The following GABRG3 variants were observed in gnomAD, a reference collection of about 807,000 sequenced individuals.
GABRG3 encodes gamma-aminobutyric acid type A receptor subunit gamma3.
A neutral mutation model predicts 48.8 loss-of-function variants in GABRG3; 25 were observed. The ratio of observed to expected loss-of-function variants is 0.51; its 90% CI spans 0.37 to 0.72. The LOEUF (loss-of-function observed/expected upper bound fraction) is 0.72, where lower values mean the gene tolerates loss of function less well. GABRG3 is among the 30% of genes least tolerant of loss of function. The pLI, the probability that GABRG3 is intolerant of heterozygous loss-of-function variation, is 0.00. For synonymous variants in GABRG3, 227 were observed against 217.6 expected (o/e 1.04, Z -0.38); for missense variants, 394 against 577.9 (o/e 0.68, Z 3.26).
intron 5 of GABRG3, among the ~76,000 whole-genome samples, chr15:27,409,315 G>A (rs1031557510): frequency 6.6e-6 from 1 of 152,002 alleles, no homozygotes; most frequent in African/African-American, 2.4e-5. Context: ...GGCTATGAAT[G>A]TCCAATTTTT....
At chr15:27,229,452 TTTG>T (rs1217263592) in intron 3 of GABRG3, among the ~76,000 whole-genome samples, 2 of 143,200 alleles carry the variant, frequency 1.4e-5, no homozygotes, top group African/African-American at 5.6e-5. Context: ...GCCTAGGTTT[TTTG>T]TGTGTGTGTG....
At chr15:27,307,208 T>C (rs1158045104) in intron 3 of GABRG3, among the ~76,000 whole-genome samples, 2 of 138,212 alleles carry the variant, frequency 1.4e-5, no homozygotes, top group Middle Eastern at 0.011. Context: ...AATACAAACA[T>C]GTTTATATAT....
At chr15:27,016,183 A>C (rs1000114116) in intron 2 of GABRG3, among the ~76,000 whole-genome samples, 2 of 150,614 alleles carry the variant, frequency 1.3e-5, no homozygotes, top group African/African-American at 4.9e-5. Flanking sequence ...TAGCAGCTCT[A>C]GTCATGATGA....
chr15:27,492,789 C>T (rs1419023209), intron 6 of GABRG3, among the ~76,000 whole-genome samples: 1 of 152,206 alleles, frequency 6.6e-6, no homozygotes, highest in African/African-American at 2.4e-5. Context: ...GCCTTAGGCC[C>T]TGCATTTCCT....
intron 5 of GABRG3, among the ~76,000 whole-genome samples, chr15:27,401,573 G>A (rs908284317): frequency 1.6e-4 from 25 of 151,910 alleles, no homozygotes; most frequent in South Asian, 2.1e-4. Flanking sequence ...CAGTTATTTC[G>A]CTCTCTCACT....
chr15:27,194,651 A>G (rs1888436999), intron 3 of GABRG3, among the ~76,000 whole-genome samples: 1 of 152,150 alleles, frequency 6.6e-6, no homozygotes. Context: ...TTAAACCTAT[A>G]TGCAATGTGT....
chr15:27,222,745 A>G (rs1354923351), intron 3 of GABRG3, among the ~76,000 whole-genome samples: 1 of 152,164 alleles, frequency 6.6e-6, no homozygotes, highest in African/African-American at 2.4e-5. Flanking sequence ...TACAAACCAG[A>G]TATCATGGTC....
intron 3 of GABRG3, among the ~76,000 whole-genome samples, chr15:27,085,264 A>G (rs1325331979): frequency 6.6e-6 from 1 of 152,314 alleles, no homozygotes; most frequent in South Asian, 2.1e-4. Context: ...TTTTTGCATC[A>G]TAACAGATCA....
intron 3 of GABRG3, among the ~76,000 whole-genome samples, chr15:27,302,008 A>C (rs1041197190): frequency 6.6e-6 from 1 of 152,088 alleles, no homozygotes; most frequent in African/African-American, 2.4e-5. Flanking sequence ...GATGAAGGTA[A>C]ACTAGGAATC....
intron 3 of GABRG3, among the ~76,000 whole-genome samples, chr15:27,310,131 G>C (rs1021095079): frequency 3.3e-5 from 5 of 152,046 alleles, no homozygotes; most frequent in South Asian, 2.1e-4. Context: ...GTCACACACA[G>C]AAAAGTAGAA....
chr15:27,411,067 G>A (rs1168737428), intron 5 of GABRG3, among the ~76,000 whole-genome samples: 1 of 152,066 alleles, frequency 6.6e-6, no homozygotes, highest in Non-Finnish European at 1.5e-5. Context: ...TCTTCAGTTA[G>A]ATATTAGAGC....
intron 6 of GABRG3, among the ~76,000 whole-genome samples, chr15:27,519,668 A>G (rs989201430): frequency 6.6e-6 from 1 of 152,202 alleles, no homozygotes; most frequent in Non-Finnish European, 1.5e-5. Context: ...GAAGGACTCA[A>G]GTGATAATAG....
At chr15:27,321,222 C>T (rs1893414392) in intron 3 of GABRG3, among the ~76,000 whole-genome samples, 1 of 152,216 alleles carries the variant, frequency 6.6e-6, no homozygotes, top group Admixed American at 6.5e-5. Context: ...GCTTACCAGA[C>T]CCCACGGTGC....
chr15:27,024,205 A>G (rs568954305), intron 2 of GABRG3, among the ~76,000 whole-genome samples: 4 of 152,326 alleles, frequency 2.6e-5, no homozygotes, highest in Admixed American at 1.3e-4. Context: ...TATTCTGGAT[A>G]TTAACCACTT....
At chr15:27,039,273 G>A (rs972459729) in intron 3 of GABRG3, among the ~76,000 whole-genome samples, 2 of 152,196 alleles carry the variant, frequency 1.3e-5, no homozygotes, top group Non-Finnish European at 2.9e-5. Context: ...AAGGATCAGG[G>A]CCTGACTAAA....
intron 3 of GABRG3, among the ~76,000 whole-genome samples, chr15:27,077,606 G>A (rs776524334): frequency 2.0e-5 from 3 of 152,132 alleles, no homozygotes; most frequent in Non-Finnish European, 4.4e-5. Context: ...CCCAGACCCC[G>A]TGTGAGCCTT....
intron 3 of GABRG3, among the ~76,000 whole-genome samples, chr15:27,215,621 G>A (rs572943973): frequency 5.9e-5 from 9 of 152,216 alleles, no homozygotes; most frequent in South Asian, 2.1e-4. Context: ...AGCTGCACCC[G>A]TTATTAAACA....
intron 3 of GABRG3, among the ~76,000 whole-genome samples, chr15:27,267,213 T>C (rs1890949154): frequency 6.7e-6 from 1 of 149,954 alleles, no homozygotes; most frequent in African/African-American, 2.5e-5. Context: ...TTCAAGCAAT[T>C]CTCTTGCCTC....
At chr15:27,385,666 A>G (rs972168800) in intron 5 of GABRG3, among the ~76,000 whole-genome samples, 3 of 152,188 alleles carry the variant, frequency 2.0e-5, no homozygotes, top group African/African-American at 7.2e-5. Flanking sequence ...GAGTTCCTCC[A>G]GTAAATGTCT....
Sources: gnomAD v4.1 joint callset for allele counts (sites outside exome capture counted in the v4.1 genomes callset) on GRCh38, gnomAD v4.1.1 for gene constraint, MANE v1.5 for transcripts, NCBI Gene and HGNC (gene_info 2026-07-23, HGNC 2026-07-21) for gene names.